The following DLG1 variants were observed in gnomAD, a reference collection of about 807,000 sequenced individuals.
DLG1 encodes disks large homolog 1.
Under a neutral mutation model 123.4 loss-of-function variants are expected in DLG1, and 42 were observed. The ratio of observed to expected loss-of-function variants is 0.34; its 90% CI spans 0.27 to 0.44. DLG1 has a LOEUF of 0.44. Ranked by LOEUF, DLG1 falls within the 20% of genes least tolerant of loss-of-function variation. DLG1 has a pLI of 1.00. For synonymous variants in DLG1, 317 were observed against 356.2 expected (o/e 0.89, Z 1.24); for missense variants, 942 against 1,082.6 (o/e 0.87, Z 1.82).
At chr3:197,114,852 T>C (rs975002077) in intron 13 of DLG1, among the ~76,000 whole-genome samples, 5 of 151,578 alleles carry the variant, frequency 3.3e-5, no homozygotes, top group Admixed American at 6.6e-5. Flanking sequence ...TGGTGGCGGG[T>C]GCCTGTAGTC....
At chr3:197,115,284 G>A (rs1772588812) in intron 13 of DLG1, among the ~76,000 whole-genome samples, 2 of 151,744 alleles carry the variant, frequency 1.3e-5, no homozygotes. Context: ...CTATAGGTAA[G>A]TTTTAGACAA....
At chr3:197,164,497 A>C (rs1800324219) in intron 5 of DLG1, among the ~76,000 whole-genome samples, 1 of 152,150 alleles carries the variant, frequency 6.6e-6, no homozygotes, top group Non-Finnish European at 1.5e-5. Context: ...TACTCCCATA[A>C]GGTGTTCTAA....
At chr3:197,284,808 C>T (rs981340494) in intron 3 of DLG1, among the ~76,000 whole-genome samples, 3 of 152,118 alleles carry the variant, frequency 2.0e-5, no homozygotes, top group African/African-American at 4.8e-5. Context: ...GAAACCTACT[C>T]GGTCAATCTT....
intron 14 of DLG1, among the ~76,000 whole-genome samples, chr3:197,095,779 T>C (rs575057167): frequency 1.3e-5 from 2 of 152,342 alleles, no homozygotes; most frequent in East Asian, 3.9e-4. Flanking sequence ...TAAAAACTCA[T>C]TATTTCCTAC....
chr3:197,064,406 T>C (rs1268346386), intron 22 of DLG1, among the ~76,000 whole-genome samples: 1 of 152,238 alleles, frequency 6.6e-6, no homozygotes, highest in Non-Finnish European at 1.5e-5. Context: ...TTGGCCAGGC[T>C]GGTCTTGAAC....
intron 9 of DLG1, among the ~76,000 whole-genome samples, chr3:197,137,860 T>C (rs2149619458): frequency 6.6e-6 from 1 of 151,702 alleles, no homozygotes; most frequent in East Asian, 1.9e-4. Context: ...CAGTCCAAGC[T>C]ACTTGGGAGG....
intron 5 of DLG1, among the ~76,000 whole-genome samples, chr3:197,185,068 A>G (rs1715011247): frequency 6.6e-6 from 1 of 152,238 alleles, no homozygotes; most frequent in African/African-American, 2.4e-5. Context: ...ACACTGTGCT[A>G]TATTAGTAAT....
At chr3:197,286,878 C>T (rs1772108346) in intron 3 of DLG1, among the ~76,000 whole-genome samples, 1 of 151,478 alleles carries the variant, frequency 6.6e-6, no homozygotes, top group Non-Finnish European at 1.5e-5. Flanking sequence ...TATACAAGAG[C>T]CACCTGAGCT....
chr3:197,258,541 C>T (rs765772795), intron 4 of DLG1, among the ~76,000 whole-genome samples: 2 of 151,280 alleles, frequency 1.3e-5, no homozygotes, highest in African/African-American at 2.4e-5. Context: ...CCTAGTTCAC[C>T]GTGCCTACAC....
Position 197,051,591 on chromosome 3 carries a change from G to A in DLG1, c.2561C>T (p.Thr854Ile). 1.9e-6 allele frequency: 3 copies of A among 1,613,792 alleles called. No homozygotes were observed. The highest frequency in any genetic ancestry group is 2.5e-6 in the Non-Finnish European group (3 of 1,179,718). The change falls in exon 24 of 25, where the codon ACT (threonine) becomes ATT (isoleucine). Residue 854 changes from threonine (T) to isoleucine (I), a missense_variant. Thr to Ile is a moderately conservative substitution (Grantham distance 89, BLOSUM62 -1). Transcript: ENST00000667157. ...ACGGTTCCAACCTGTGAAATGTTCAGTAAACTCCTGTTCCAGTTTCATGGC... is the reference window on the plus strand; with the variant it reads ...ACGGTTCCAACCTGTGAAATGTTCAATAAACTCCTGTTCCAGTTTCATGGC... The part of the protein sequence containing the change: ...ERAMKLEQEF[T>I]EHFTAIVQGD...
At chr3:197,183,545 T>C (rs1278874869) in intron 5 of DLG1, 16 of 1,535,930 alleles carry the variant, frequency 1.0e-5, no homozygotes, top group Non-Finnish European at 1.1e-5. Flanking sequence ...AGAAATAGAT[T>C]GAAAATAATT....
At chr3:197,045,335 G>C (rs77982488) in intron 24 of DLG1, among the ~76,000 whole-genome samples, 1 of 152,184 alleles carries the variant, frequency 6.6e-6, no homozygotes, top group Non-Finnish European at 1.5e-5. Flanking sequence ...TTTGGGAATA[G>C]CTGAAGCCCC....
chr3:197,296,261 C>G, intron 3 of DLG1, 85 bp downstream of exon 3: 3 of 1,323,536 alleles, frequency 2.3e-6, no homozygotes, highest in South Asian at 1.4e-5. Flanking sequence ...GAATTAAGTA[C>G]ATCATTTTCT....
intron 17 of DLG1, among the ~76,000 whole-genome samples, chr3:197,079,416 G>A (rs1213506412): frequency 6.6e-6 from 1 of 152,158 alleles, no homozygotes; most frequent in Non-Finnish European, 1.5e-5. Context: ...ATGCAGTTCT[G>A]ATCAATGGCA....
rs1777361729 is a variant in DLG1 at position 197,296,356 on chromosome 3, C to T, written c.141G>A (p.Gln47=). 1 of 1,613,206 alleles carries T rather than the reference C, an allele frequency of 6.2e-7. No individual in the cohort carries two copies. Among genetic ancestry groups the T allele is most frequent in the Admixed American group, 1.7e-5 (1 of 59,982 alleles). ...AGTTTTAATTCCCACCTATTAAAGC[C>T]TGAAAGAGGTTGCTCTGAAATATGT... ...VINIFQSNLF[Q]ALIDIQEFYE... The change falls in exon 3 of 25, where the codon CAG becomes CAA. Residue 47 remains glutamine, a synonymous_variant. Transcript: ENST00000667157.
chr3:197,266,339 C>T (rs1761672649), intron 4 of DLG1, among the ~76,000 whole-genome samples: 1 of 151,464 alleles, frequency 6.6e-6, no homozygotes, highest in South Asian at 2.1e-4. Flanking sequence ...AACTCTGTCC[C>T]TTATGTTTAT....
chr3:197,047,219 C>A (rs1390507641), intron 24 of DLG1, among the ~76,000 whole-genome samples: 1 of 151,930 alleles, frequency 6.6e-6, no homozygotes, highest in Non-Finnish European at 1.5e-5. Flanking sequence ...AAGGGAATAT[C>A]CCTGTTTTTT....
chr3:197,201,319 G>A (rs9843071), intron 4 of DLG1, among the ~76,000 whole-genome samples: 4 of 152,244 alleles, frequency 2.6e-5, no homozygotes, highest in African/African-American at 9.6e-5. Flanking sequence ...GGGAGGCGGA[G>A]CTTGCAGTGA....
chr3:197,281,483 GTGAC>G (rs1161481255), intron 4 of DLG1, among the ~76,000 whole-genome samples: 2 of 152,160 alleles, frequency 1.3e-5, no homozygotes, highest in Non-Finnish European at 2.9e-5. Flanking sequence ...AACCACAGCA[GTGAC>G]TGACTGAAGA....
Sources: gnomAD v4.1 joint callset for allele counts (sites outside exome capture counted in the v4.1 genomes callset) on GRCh38, gnomAD v4.1.1 for gene constraint, MANE v1.5 for transcripts, NCBI Gene and HGNC (gene_info 2026-07-23, HGNC 2026-07-21) for gene names.